Variants in PICALM observed in about 807,000 individuals in gnomAD.
The protein encoded by PICALM is phosphatidylinositol-binding clathrin assembly protein.
A neutral mutation model predicts 80.5 loss-of-function variants in PICALM; 40 were observed. The ratio of observed to expected loss-of-function variants is 0.50; its 90% CI spans 0.39 to 0.65. The LOEUF (loss-of-function observed/expected upper bound fraction) is 0.65, where lower values mean the gene tolerates loss of function less well. Ranked by LOEUF, PICALM falls within the 30% of genes least tolerant of loss-of-function variation. PICALM has a pLI of 0.00. For synonymous variants in PICALM, 288 were observed against 260.3 expected (o/e 1.11, Z -1.02); for missense variants, 676 against 778.9 (o/e 0.87, Z 1.57).
In PICALM at chr11:86,003,392, T is replaced by C; in HGVS notation, c.867A>G (p.Lys289=). The C allele has an allele frequency of 3.8e-6, 6 of 1,595,332 alleles. No individual in the cohort carries two copies. In the East Asian group the frequency reaches 6.7e-5, roughly 18 times the overall value. The change falls in exon 9 of 20, where the codon AAA becomes AAG. Residue 289 remains lysine (K), a synonymous_variant. Transcript: ENST00000393346. ...TGCTTGCAGCTGTAGAATCTTTGAT[T>C]TTCTTTCCTTCCAAGGAAGCTAAAT... ...EQHLASLEGK[K]IKDSTAASRA...
In PICALM at chr11:86,010,906, C is replaced by T; in HGVS notation, c.765+124G>A. 3 of 639,936 alleles carry T rather than the reference C, an allele frequency of 4.7e-6. No individual in the cohort carries two copies. In the South Asian group the frequency reaches 5.6e-5, roughly 12 times the overall value. 39.6% of individuals were successfully genotyped at this position (639,936 alleles called of 1,614,324 possible). On this transcript the variant is annotated intron_variant, in intron 7 of 19. Coordinates refer to ENST00000393346, the MANE Select transcript of PICALM (RefSeq NM_007166.4). ...TATCTTGCCACAGAATTCAATACAG[C>T]ATAATAATGATTGAATACTAAATTG...
At chr11:86,053,030 C>G in intron 1 of PICALM, among the ~76,000 whole-genome samples, 1 of 152,334 alleles carries the variant, frequency 6.6e-6, no homozygotes, top group Middle Eastern at 3.4e-3. Context: ...TCTCTCTTAT[C>G]TGATTTTTAA....
chr11:85,984,854 C>T (rs1164358917), intron 13 of PICALM, among the ~76,000 whole-genome samples: 1 of 152,066 alleles, frequency 6.6e-6, no homozygotes, highest in Non-Finnish European at 1.5e-5. Flanking sequence ...TGTCTAGGGG[C>T]TGAAAAGAAT....
chr11:85,961,914 C>CA (rs1309282740), intron 19 of PICALM, among the ~76,000 whole-genome samples: 10 of 151,860 alleles, frequency 6.6e-5, no homozygotes, highest in African/African-American at 2.4e-4. Flanking sequence ...AGAGAATGAA[C>CA]AGCCAATGAG....
At chr11:86,023,870 G>C (rs1373692528) in intron 3 of PICALM, among the ~76,000 whole-genome samples, 1 of 152,190 alleles carries the variant, frequency 6.6e-6, no homozygotes, top group East Asian at 1.9e-4. Context: ...GCTCATGCCT[G>C]TAATCCCAGC....
In PICALM at chr11:86,062,896, T is replaced by C. The variant is rs551364901; in HGVS notation, c.130+5755A>G. ...ACACAAAGTAACGGAAATGCCACTT[T>C]AGCTACCAAAAGAACAGGAAGAGCA... On this transcript the variant is annotated intron_variant, in intron 1 of 19. Transcript: ENST00000393346. Among the ~76,000 whole-genome samples the C allele has an allele frequency of 2.6e-5, 4 of 152,332 alleles. No individual in the cohort carries two copies. In the East Asian group the frequency reaches 7.7e-4, roughly 29 times the overall value.
At chr11:85,992,021 A>C (rs1449482497) in intron 12 of PICALM, among the ~76,000 whole-genome samples, 1 of 151,974 alleles carries the variant, frequency 6.6e-6, no homozygotes, top group East Asian at 1.9e-4. Context: ...ATGCCTGGCT[A>C]ATTTAATTTT....
chr11:85,981,818 C>T (rs746002038), intron 15 of PICALM, 43 bp from the exon 16 acceptor site: 17 of 1,610,650 alleles, frequency 1.1e-5, no homozygotes, highest in Admixed American at 6.7e-5. Context: ...TAACACGAGA[C>T]GCAGTTTAAT....
At position 86,050,301 on chromosome 11, in the gene PICALM, T is replaced by C. The variant is rs577649694; in HGVS notation, c.130+18350A>G. ...AAAAGCCAAAAAGAAAGTTCACCCT[T>C]TTTTGACAAATAACTCAAAACTAGA... is the stretch of plus-strand genomic sequence containing the variant. On this transcript the variant is annotated intron_variant, in intron 1 of 19. Transcript: ENST00000393346. Among the ~76,000 whole-genome samples the C allele has an allele frequency of 1.2e-4, 18 of 152,082 alleles. 1 individual carries two copies. Among genetic ancestry groups the C allele is most frequent in the African/African-American group, 4.1e-4 (17 of 41,494 alleles).
intron 1 of PICALM, among the ~76,000 whole-genome samples, chr11:86,063,551 C>T (rs1027684076): frequency 6.6e-6 from 1 of 152,060 alleles, no homozygotes; most frequent in Non-Finnish European, 1.5e-5. Context: ...ACATACTGTT[C>T]AGAAACTTAA....
chr11:85,976,314 TG>T (rs1320974711), intron 18 of PICALM, among the ~76,000 whole-genome samples: 6 of 152,218 alleles, frequency 3.9e-5, no homozygotes, highest in African/African-American at 1.4e-4. Flanking sequence ...AAGACCTCAC[TG>T]GTATTTAATA....
intron 1 of PICALM, among the ~76,000 whole-genome samples, chr11:86,037,134 C>G (rs2095855656): frequency 6.7e-6 from 1 of 149,128 alleles, no homozygotes; most frequent in Non-Finnish European, 1.5e-5. Context: ...TTAGTAGAGA[C>G]AGGGTTTCAC....
chr11:86,000,090 T>C (rs568991615), intron 11 of PICALM, among the ~76,000 whole-genome samples: 32 of 152,364 alleles, frequency 2.1e-4, no homozygotes, highest in African/African-American at 7.7e-4. Context: ...AAAATGCCAA[T>C]TGTTTTACTT....
rs747096534 is a variant in PICALM, at chr11:85,968,653, A to C, written c.1944+6055T>G. Among the ~76,000 whole-genome samples the C allele has an allele frequency of 4.3e-4, 65 of 152,340 alleles. 1 individual carries two copies. Among genetic ancestry groups the C allele is most frequent in the Non-Finnish European group, 7.5e-4 (51 of 68,032 alleles). On this transcript the variant is annotated intron_variant, in intron 19 of 19. Transcript: ENST00000393346. ...TTATGAACTACTGGCTTAGCAATGG[A>C]CATTTCAATTTATGTAAAGCACCAG...
At position 85,957,202 on chromosome 11, in the gene PICALM, GAAA is replaced by G. The variant is rs1402366796; in HGVS notation, c.*1841_*1843del. Among the ~76,000 whole-genome samples the G allele has an allele frequency of 6.6e-6, 1 of 152,120 alleles. No homozygotes were observed. The highest frequency in any genetic ancestry group is 2.4e-5 in the African/African-American group (1 of 41,420). On this transcript the variant is annotated 3_prime_UTR_variant, in exon 20 of 20. Transcript: ENST00000393346. ...TATATGAAAATGGTTTAATAATACTGAAACTTAAAAGCTGATAAAATTTATTGG... is the reference window on the plus strand; with the variant it reads ...TATATGAAAATGGTTTAATAATACTGCTTAAAAGCTGATAAAATTTATTGG...
chr11:86,031,633 T>A, intron 1 of PICALM, 22 bp from the exon 2 acceptor site: 1 of 1,567,310 alleles, frequency 6.4e-7, no homozygotes, highest in Non-Finnish European at 8.7e-7. Context: ...AATTTTTAAA[T>A]GATTAATTTC....
intron 1 of PICALM, among the ~76,000 whole-genome samples, chr11:86,065,991 T>G (rs1028149540): frequency 6.6e-6 from 1 of 152,176 alleles, no homozygotes. Flanking sequence ...TCATTTTCAT[T>G]AGATTCATAT....
intron 1 of PICALM, among the ~76,000 whole-genome samples, chr11:86,056,245 G>A (rs2096268976): frequency 6.8e-6 from 1 of 146,434 alleles, no homozygotes; most frequent in Non-Finnish European, 1.5e-5. Flanking sequence ...CCACAGAATG[G>A]GGAAAAAAAT....
chr11:85,995,570 T>A (rs1463351432), intron 12 of PICALM, among the ~76,000 whole-genome samples: 1 of 152,190 alleles, frequency 6.6e-6, no homozygotes, highest in African/African-American at 2.4e-5. Flanking sequence ...AAATGTTTAA[T>A]ATATTTTTAT....
Sources: gnomAD v4.1 joint callset for allele counts (sites outside exome capture counted in the v4.1 genomes callset) on GRCh38, gnomAD v4.1.1 for gene constraint, MANE v1.5 for transcripts, NCBI Gene and HGNC (gene_info 2026-07-23, HGNC 2026-07-21) for gene names.